Variants in ST6GALNAC3 observed in about 807,000 individuals in gnomAD.
ST6GALNAC3 encodes the protein alpha-N-acetylgalactosaminide alpha-2,6-sialyltransferase 3.
A neutral mutation model predicts 32.7 loss-of-function variants in ST6GALNAC3; 25 were observed. That is an observed-to-expected ratio of 0.76 (90% CI 0.56 to 1.07). The LOEUF is 1.07. ST6GALNAC3 is among the 50% of genes least tolerant of loss of function. The pLI is 0.00. For missense variants in ST6GALNAC3, 355 were observed against 382.4 expected (o/e 0.93, Z 0.60); for synonymous variants, 129 against 133.1 (o/e 0.97, Z 0.21).
intron 2 of ST6GALNAC3, among the ~76,000 whole-genome samples, chr1:76,367,718 T>C (rs1447094415): frequency 6.6e-6 from 1 of 152,164 alleles, no homozygotes; most frequent in African/African-American, 2.4e-5. Flanking sequence ...AGAGGGTTTC[T>C]AATATGGCTT....
At chr1:76,543,662 C>G (rs967489292) in intron 3 of ST6GALNAC3, among the ~76,000 whole-genome samples, 1 of 152,134 alleles carries the variant, frequency 6.6e-6, no homozygotes, top group Non-Finnish European at 1.5e-5. Flanking sequence ...TTCTCCATCT[C>G]AGAGAGCAGA....
chr1:76,544,137 G>A (rs1664155050), intron 3 of ST6GALNAC3, among the ~76,000 whole-genome samples: 1 of 151,210 alleles, frequency 6.6e-6, no homozygotes, highest in African/African-American at 2.4e-5. Context: ...ACAGGAAATA[G>A]ACATGGTTCT....
intron 1 of ST6GALNAC3, among the ~76,000 whole-genome samples, chr1:76,093,737 A>T (rs1455296266): frequency 6.6e-6 from 1 of 152,224 alleles, no homozygotes; most frequent in African/African-American, 2.4e-5. Context: ...GGAATCTGCA[A>T]ACTAACCTCA....
chr1:76,512,298 C>G (rs762029155), intron 3 of ST6GALNAC3, among the ~76,000 whole-genome samples: 1 of 152,134 alleles, frequency 6.6e-6, no homozygotes, highest in Non-Finnish European at 1.5e-5. Context: ...TAATAAGAGT[C>G]TGTTCCTTTT....
chr1:76,549,228 A>G (rs2100348266), intron 3 of ST6GALNAC3, among the ~76,000 whole-genome samples: 1 of 152,266 alleles, frequency 6.6e-6, no homozygotes, highest in Admixed American at 6.5e-5. Flanking sequence ...TGATACTGTT[A>G]TATTTTAAGA....
intron 3 of ST6GALNAC3, among the ~76,000 whole-genome samples, chr1:76,423,380 G>C (rs578054319): frequency 6.6e-6 from 1 of 152,044 alleles, no homozygotes; most frequent in African/African-American, 2.4e-5. Context: ...GAAAAGAAAG[G>C]AATATTATGA....
At chr1:76,367,471 A>T (rs1323499656) in intron 2 of ST6GALNAC3, among the ~76,000 whole-genome samples, 1 of 152,138 alleles carries the variant, frequency 6.6e-6, no homozygotes, top group Non-Finnish European at 1.5e-5. Flanking sequence ...ACAATGAATG[A>T]TAAGTTTACA....
chr1:76,557,228 G>C (rs1357849041), intron 3 of ST6GALNAC3, among the ~76,000 whole-genome samples: 4 of 151,872 alleles, frequency 2.6e-5, no homozygotes, highest in Non-Finnish European at 5.9e-5. Flanking sequence ...TTATTCCATT[G>C]ATCTTCATGT....
chr1:76,276,069 A>G (rs959452542), intron 1 of ST6GALNAC3, among the ~76,000 whole-genome samples: 2 of 152,156 alleles, frequency 1.3e-5, no homozygotes, highest in African/African-American at 4.8e-5. Context: ...GCTTTGGACA[A>G]CTTTTCAGAA....
intron 3 of ST6GALNAC3, among the ~76,000 whole-genome samples, chr1:76,489,831 T>G (rs1255710789): frequency 6.6e-6 from 1 of 152,124 alleles, no homozygotes; most frequent in African/African-American, 2.4e-5. Context: ...TTACTCGCTG[T>G]TAGTTCTCTG....
intron 1 of ST6GALNAC3, among the ~76,000 whole-genome samples, chr1:76,082,578 A>G (rs1646911907): frequency 1.3e-5 from 2 of 152,196 alleles, no homozygotes; most frequent in African/African-American, 4.8e-5. Context: ...CTCTCAATTC[A>G]AAAATTGAGA....
intron 2 of ST6GALNAC3, among the ~76,000 whole-genome samples, chr1:76,389,489 A>G (rs1473880113): frequency 6.6e-6 from 1 of 152,206 alleles, no homozygotes; most frequent in Non-Finnish European, 1.5e-5. Context: ...GCCAGAGAGC[A>G]GTGTCTTGCT....
At chr1:76,449,011 C>T (rs1457518900) in intron 3 of ST6GALNAC3, among the ~76,000 whole-genome samples, 1 of 152,016 alleles carries the variant, frequency 6.6e-6, no homozygotes, top group East Asian at 1.9e-4. Flanking sequence ...TTAGTAGAGA[C>T]AGGGTTTCAC....
chr1:76,346,020 C>T (rs911069719), intron 2 of ST6GALNAC3, among the ~76,000 whole-genome samples: 4 of 151,602 alleles, frequency 2.6e-5, no homozygotes, highest in Non-Finnish European at 5.9e-5. Context: ...AAATGTCAGC[C>T]CCCACTACCA....
At chr1:76,187,629 T>A (rs1006431376) in intron 1 of ST6GALNAC3, among the ~76,000 whole-genome samples, 4 of 152,270 alleles carry the variant, frequency 2.6e-5, no homozygotes, top group Admixed American at 2.6e-4. Flanking sequence ...GAGATGTGGG[T>A]GGCCACACAG....
At chr1:76,405,022 C>T (rs2101242385) in intron 2 of ST6GALNAC3, among the ~76,000 whole-genome samples, 1 of 152,156 alleles carries the variant, frequency 6.6e-6, no homozygotes, top group South Asian at 2.1e-4. Context: ...AATAGAAATT[C>T]ATTTTCCGGA....
intron 3 of ST6GALNAC3, among the ~76,000 whole-genome samples, chr1:76,471,791 G>C (rs186395813): frequency 4.6e-4 from 69 of 151,048 alleles, no homozygotes; most frequent in African/African-American, 1.6e-3. Context: ...GAAACCTCTT[G>C]TCATTTTGCT....
chr1:76,523,837 T>C (rs1662701423), intron 3 of ST6GALNAC3, among the ~76,000 whole-genome samples: 1 of 152,156 alleles, frequency 6.6e-6, no homozygotes, highest in Admixed American at 6.5e-5. Flanking sequence ...ATTTTTTGAC[T>C]CCAATCCTTG....
chr1:76,186,965 G>A (rs547071235), intron 1 of ST6GALNAC3, among the ~76,000 whole-genome samples: 31 of 152,206 alleles, frequency 2.0e-4, no homozygotes, highest in African/African-American at 3.9e-4. Flanking sequence ...ATCACATTTC[G>A]TTTCCAAGGA....
Sources: gnomAD v4.1 joint callset for allele counts (sites outside exome capture counted in the v4.1 genomes callset) on GRCh38, gnomAD v4.1.1 for gene constraint, MANE v1.5 for transcripts, NCBI Gene and HGNC (gene_info 2026-07-23, HGNC 2026-07-21) for gene names.